The following RESF1 variants were observed in gnomAD, a reference collection of about 807,000 sequenced individuals.
RESF1 encodes the protein retroelement silencing factor 1, also known as gonad expressed transcript.
A neutral mutation model predicts 134.7 loss-of-function variants in RESF1; 65 were observed. The ratio of observed to expected loss-of-function variants is 0.48; its 90% CI spans 0.40 to 0.59. RESF1 has a LOEUF of 0.59. Among genes scored for constraint, RESF1 ranks in the 20% least tolerant of loss-of-function variants. The probability of loss-of-function intolerance (pLI) is 0.00; values close to 1 mark genes in which losing one functional copy is unlikely to be tolerated. For synonymous variants in RESF1, 762 were observed against 702.2 expected, an observed-to-expected ratio of 1.09 and a Z score of -1.35; for missense variants, 2,274 against 2,002.7, an observed-to-expected ratio of 1.14 and a Z score of -2.59.
chr12:31,989,412 AAAAT>A (rs1341596479), intron 5 of RESF1, among the ~76,000 whole-genome samples: 3 of 151,036 alleles, frequency 2.0e-5, no homozygotes, highest in Admixed American at 6.6e-5. Flanking sequence ...AAAAAAAAAA[AAAAT>A]AGGCAAAGAG....
rs777675537 is a variant in RESF1, at chr12:31,984,692, G to A, written c.3737G>A (p.Ser1246Asn). Residue 1246 changes from serine (S) to asparagine (N), a missense_variant, in exon 4 of 6, where the codon AGT (serine) becomes AAT (asparagine). Physicochemically the swap from Ser to Asn is conservative, Grantham distance 46. Transcript: ENST00000312561. ...NNPKTPPDGKSHFPELQDDSR... is the reference protein window; with the variant it reads ...NNPKTPPDGKNHFPELQDDSR... ...CCAAAGACTCCTCCAGATGGGAAAA[G>A]TCATTTTCCTGAACTACAAGACGAC... The A allele has an allele frequency of 1.6e-5, 26 of 1,591,256 alleles. No individual in the cohort carries two copies. The highest frequency in any genetic ancestry group is 1.7e-4 in the Middle Eastern group (1 of 5,940).
chr12:31,991,288 T>G (rs887182335), intron 5 of RESF1, among the ~76,000 whole-genome samples: 1 of 151,550 alleles, frequency 6.6e-6, no homozygotes. Context: ...GGTAAAGAGA[T>G]GAAGAGGAAA....
At position 31,984,635 on chromosome 12, in the gene RESF1, CTGT is replaced by C. The variant is rs763265406; in HGVS notation, c.3685_3687del (p.Val1229del). 2.0e-5 allele frequency: 32 copies of C among 1,575,564 alleles called. No homozygotes were observed. Among genetic ancestry groups the C allele is most frequent in the Non-Finnish European group, 2.7e-5 (32 of 1,166,998 alleles). On this transcript the variant is annotated inframe_deletion, in exon 4 of 6. Transcript: ENST00000312561. The stretch of plus-strand genomic sequence containing the variant: ...GAGAGAACTTCTGATAGAGATGTCA[CTGT>C]TGTTCAATTTAAGAGCCTTGTAAAT...
At position 31,959,460 on chromosome 12, in the gene RESF1, C is replaced by G; in HGVS notation, c.-373C>G. The G allele has an allele frequency of 6.6e-6, 1 of 152,510 alleles. No individual in the cohort carries two copies. The highest frequency in any genetic ancestry group is 3.4e-3 in the Middle Eastern group (1 of 296). The allele number at this position is 152,510 out of a possible 1,614,324, so 9.4% of individuals were successfully genotyped here. A position where few individuals can be genotyped will look rare whatever the true frequency, so the allele number is the denominator to read the frequency against. ...CCCGGGAGGCCGCCGGTTTTCTCCC[C>G]GCTTGCCGGGGTGGTCCTCTTCCCT... On this transcript the variant is annotated 5_prime_UTR_variant, in exon 1 of 6. Transcript: ENST00000312561.
Position 31,985,836 on chromosome 12 carries a change from A to C in RESF1, c.4881A>C (p.Thr1627=), listed in dbSNP as rs758798248. The C allele has an allele frequency of 1.9e-6, 3 of 1,565,386 alleles. No individual in the cohort carries two copies. In the South Asian group the frequency reaches 3.6e-5, roughly 19 times the overall value. Residue 1627 remains threonine (T), a synonymous_variant, in exon 4 of 6, where the codon ACA becomes ACC. Transcript: ENST00000312561. ...HKTFLPVKGN[T]EKSNMLEFKL... The stretch of plus-strand genomic sequence containing the variant: ...CCTTTTTACCGGTGAAAGGTAACAC[A>C]GAAAAATCAAACATGCTGGAGTTTA...
Position 31,984,657 on chromosome 12 carries a change from T to A in RESF1, c.3702T>A (p.Leu1234=). Residue 1234 remains leucine (L), a synonymous_variant, in exon 4 of 6, where the codon CTT becomes CTA. Transcript: ENST00000312561. Reference sequence around the variant, plus strand: ...TCACTGTTGTTCAATTTAAGAGCCTTGTAAATAATCCAAAGACTCCTCCAG... The same window carrying A: ...TCACTGTTGTTCAATTTAAGAGCCTAGTAAATAATCCAAAGACTCCTCCAG... The part of the protein sequence containing the change: ...RDVTVVQFKS[L]VNNPKTPPDG... The A allele has an allele frequency of 6.3e-7, 1 of 1,579,824 alleles. No homozygotes were observed. Among genetic ancestry groups the A allele is most frequent in the Non-Finnish European group, 8.5e-7 (1 of 1,170,160 alleles).
Position 31,982,037 on chromosome 12 carries a change from T to C in RESF1, c.1082T>C (p.Val361Ala). The change falls in exon 4 of 6, where the codon GTT (valine) becomes GCT (alanine). Residue 361 changes from valine to alanine, a missense_variant. Transcript: ENST00000312561. ...NSPIRSSVDG[V>A]QTLAQTNEEK... ...CCCATTAGATCTTCTGTGGATGGTG[T>C]TCAGACTCTTGCTCAAACTAATGAA... 6.2e-7 allele frequency: 1 copy of C among 1,614,122 alleles called. No homozygotes were observed. The highest frequency in any genetic ancestry group is 8.5e-7 in the Non-Finnish European group (1 of 1,180,026).
rs141047715 is a variant in RESF1 at position 31,984,428 on chromosome 12, G to T, written c.3473G>T (p.Arg1158Leu). ...DLQAPAAGQSRDSVILDSEKD... is the reference protein window; with the variant it reads ...DLQAPAAGQSLDSVILDSEKD... ...CAGGCACCTGCAGCTGGACAAAGTCGTGATTCTGTGATACTGGACTCTGAG... is the reference window on the plus strand; with the variant it reads ...CAGGCACCTGCAGCTGGACAAAGTCTTGATTCTGTGATACTGGACTCTGAG... The change falls in exon 4 of 6, where the codon CGT (arginine) becomes CTT (leucine). Residue 1158 changes from arginine (R) to leucine (L), a missense_variant. Physicochemically the swap from Arg to Leu is moderately radical, Grantham distance 102. Transcript: ENST00000312561. The T allele has an allele frequency of 6.2e-7, 1 of 1,614,158 alleles. No homozygotes were observed.
In RESF1 at chr12:31,985,729, C is replaced by T. The variant is rs572235295; in HGVS notation, c.4774C>T (p.Arg1592Cys). 1.9e-6 allele frequency: 3 copies of T among 1,592,456 alleles called. No homozygotes were observed. Among genetic ancestry groups the T allele is most frequent in the African/African-American group, 1.4e-5 (1 of 73,478 alleles). Residue 1592 changes from arginine to cysteine, a missense_variant, in exon 4 of 6, where the codon CGT (arginine) becomes TGT (cysteine). Transcript: ENST00000312561. ...LNRVGFKCTE[R>C]ESISLTKLES... Reference sequence around the variant, plus strand: ...TAGAGTTGGGTTTAAATGCACTGAACGTGAAAGCATTTCTCTCACCAAATT... The same window carrying T: ...TAGAGTTGGGTTTAAATGCACTGAATGTGAAAGCATTTCTCTCACCAAATT...
At chr12:31,986,981 A>C (rs1398997095) in intron 4 of RESF1, among the ~76,000 whole-genome samples, 2 of 152,200 alleles carry the variant, frequency 1.3e-5, no homozygotes, top group African/African-American at 4.8e-5. Flanking sequence ...TGTGTCCTTT[A>C]ATATCTGGAG....
rs1219721828 is a variant in RESF1, at chr12:31,984,110, A to G, written c.3155A>G (p.His1052Arg). The change falls in exon 4 of 6, where the codon CAT becomes CGT. Residue 1052 changes from histidine (H) to arginine (R), a missense_variant. His to Arg is a conservative substitution (Grantham distance 29, BLOSUM62 0). Coordinates refer to ENST00000312561, the MANE Select transcript of RESF1 (RefSeq NM_018169.4). ...HSDKAPVLYL[H>R]DQLSELLKEF... ...GATAAGGCACCTGTCTTATACCTAC[A>G]TGACCAGCTGTCAGAACTTCTAAAA... is the stretch of plus-strand genomic sequence containing the variant. 20 of 1,613,644 alleles carry G rather than the reference A, an allele frequency of 1.2e-5. No individual in the cohort carries two copies. The highest frequency in any genetic ancestry group is 1.5e-5 in the Non-Finnish European group (18 of 1,179,902).
chr12:31,989,904 A>G (rs527758865), intron 5 of RESF1, among the ~76,000 whole-genome samples: 27 of 152,176 alleles, frequency 1.8e-4, no homozygotes, highest in African/African-American at 2.7e-4. Context: ...ACTTGCATCA[A>G]TGAAGAAATA....
rs1592250912 is a variant in RESF1 at position 31,967,390 on chromosome 12, A to C, written c.-246-2799A>C. Among the ~76,000 whole-genome samples the C allele has an allele frequency of 2.6e-5, 4 of 152,298 alleles. No individual in the cohort carries two copies. The South Asian group carries it at 6.2e-4, about 24-fold the overall frequency. On this transcript the variant is annotated intron_variant, in intron 2 of 5. Transcript: ENST00000312561. ...ATTCCACATAGTTCTTTACATACAG[A>C]TTTTCAAATGTTAGTTGTTTATAGT...
chr12:31,982,657 A>G lies in RESF1; in HGVS notation c.1702A>G (p.Met568Val), dbSNP rs770792590. The part of the protein sequence containing the change: ...VCETISVPKS[M>V]STEEYKSKIQ... ...TGAAACAATTTCTGTTCCCAAGTCC[A>G]TGTCCACTGAGGAATATAAATCAAA... Residue 568 changes from methionine to valine, a missense_variant, in exon 4 of 6, where the codon ATG (methionine) becomes GTG (valine). By Grantham distance (21) the Met-to-Val change is conservative (BLOSUM62 1). Transcript: ENST00000312561. 5 of 1,614,128 alleles carry G rather than the reference A, an allele frequency of 3.1e-6. No homozygotes were observed. The highest frequency in any genetic ancestry group is 4.5e-5 in the East Asian group (2 of 44,880).
chr12:31,965,864 C>G (rs1939386876), intron 2 of RESF1, among the ~76,000 whole-genome samples: 2 of 139,260 alleles, frequency 1.4e-5, no homozygotes. Context: ...GCACTCTAGC[C>G]TGGTGACAGA....
intron 3 of RESF1, among the ~76,000 whole-genome samples, chr12:31,978,229 A>G (rs1939681297): frequency 1.3e-5 from 2 of 152,096 alleles, no homozygotes; most frequent in Non-Finnish European, 2.9e-5. Context: ...TTTTAATGGT[A>G]TTTTAAAAGA....
chr12:31,966,919 CTCT>C (rs1257370511), intron 2 of RESF1, among the ~76,000 whole-genome samples: 18 of 152,316 alleles, frequency 1.2e-4, no homozygotes, highest in Admixed American at 4.6e-4. Context: ...TGATGACTTG[CTCT>C]TCTCATAGAC....
chr12:31,979,566 C>G (rs1416566797), intron 3 of RESF1, among the ~76,000 whole-genome samples: 4 of 152,084 alleles, frequency 2.6e-5, no homozygotes, highest in Admixed American at 2.6e-4. Context: ...AAAAAACAGC[C>G]TTACTCTGTC....
chr12:31,962,646 A>G (rs1024023164), intron 2 of RESF1: 1 of 152,254 alleles, frequency 6.6e-6, no homozygotes, highest in African/African-American at 2.4e-5. Flanking sequence ...TTGATGTATC[A>G]AATTACAAGG....
Sources: gnomAD v4.1 joint callset for allele counts (sites outside exome capture counted in the v4.1 genomes callset) on GRCh38, gnomAD v4.1.1 for gene constraint, MANE v1.5 for transcripts, NCBI Gene and HGNC (gene_info 2026-07-23, HGNC 2026-07-21) for gene names.